Variants in AVEN observed in about 807,000 individuals in gnomAD.
AVEN encodes the protein cell death regulator Aven.
A neutral mutation model predicts 38.1 loss-of-function variants in AVEN; 41 were observed. The ratio of observed to expected loss-of-function variants is 1.08; its 90% confidence interval spans 0.84 to 1.40. The LOEUF is 1.40. AVEN is among the 40% of genes most tolerant of loss of function. AVEN has a pLI of 0.00. For synonymous variants in AVEN, 206 were observed against 171.8 expected (o/e 1.20, Z -1.56); for missense variants, 605 against 438.8 (o/e 1.38, Z -3.38).
At chr15:34,069,579 A>C (rs1900589412) in intron 2 of AVEN, among the ~76,000 whole-genome samples, 1 of 152,218 alleles carries the variant, frequency 6.6e-6, no homozygotes, top group African/African-American at 2.4e-5. Context: ...AATGCATCAC[A>C]TCAGGAGGCA....
At chr15:33,857,739 A>C (rs749939356), downstream of AVEN, 2 of 1,611,674 alleles carry the variant, frequency 1.2e-6, no homozygotes, top group African/African-American at 2.7e-5. Context: ...AAGGTAGAGA[A>C]GACCCCACTC....
intron 1 of AVEN, chr15:34,018,398 T>TCGAGTTTCTTCCTTCCGGTGGGTTCGTGG: frequency 6.6e-6 from 1 of 152,244 alleles, no homozygotes; most frequent in Non-Finnish European, 1.5e-5. Flanking sequence ...TTCAGATGTG[T>TCGAGTTTCTTCCTTCCGGTGGGTTCGTGG]CGAGTTTCTT....
At chr15:33,853,280 TAAAC>T in the AVEN span, among the ~76,000 whole-genome samples, 2 of 152,254 alleles carry the variant, frequency 1.3e-5, no homozygotes, top group East Asian at 3.8e-4. Flanking sequence ...TCATCTGCCT[TAAAC>T]AAGTTAACAC....
intron 2 of AVEN, among the ~76,000 whole-genome samples, chr15:33,984,766 G>A (rs1037339639): frequency 5.3e-5 from 8 of 152,084 alleles, no homozygotes; most frequent in Admixed American, 2.6e-4. Context: ...CCAGGACTTC[G>A]GTCTTTAAAA....
At chr15:33,905,434 G>A (rs144024041) in intron 2 of AVEN, among the ~76,000 whole-genome samples, 19 of 152,288 alleles carry the variant, frequency 1.2e-4, no homozygotes, top group South Asian at 6.2e-4. Flanking sequence ...ACATGTATTA[G>A]ATGCTCAATA....
In AVEN at chr15:33,870,997, CCAA is replaced by C; in HGVS notation, c.547_549del (p.Leu183del). The C allele has an allele frequency of 6.2e-7, 1 of 1,607,674 alleles. No homozygotes were observed. Among genetic ancestry groups the C allele is most frequent in the South Asian group, 1.1e-5 (1 of 90,052 alleles). ...AGAGGCAGCTCTTGAAGGGCTCGAA[CCAA>C]TAACTCACTATCCACATAAAATGCT... On this transcript the variant is annotated inframe_deletion, in exon 4 of 6. Coordinates refer to ENST00000306730, the MANE Select transcript of AVEN (RefSeq NM_020371.3).
chr15:33,989,713 C>T (rs1030220026), intron 2 of AVEN, among the ~76,000 whole-genome samples: 2 of 151,994 alleles, frequency 1.3e-5, no homozygotes, highest in Admixed American at 6.6e-5. Flanking sequence ...CTTTTATTAT[C>T]TTTCCAGATC....
chr15:34,066,364 G>T (rs945661245), intron 3 of AVEN: 1 of 152,216 alleles, frequency 6.6e-6, no homozygotes, highest in African/African-American at 2.4e-5. Context: ...GCCCATGTTG[G>T]GCATTCACCA....
At position 33,952,695 on chromosome 15, in the gene AVEN, G is replaced by C. The variant is rs187207915; in HGVS notation, c.445+50337C>G. Among the ~76,000 whole-genome samples the C allele has an allele frequency of 5.9e-5, 9 of 152,030 alleles. No homozygotes were observed. The East Asian group carries it at 1.7e-3, about 29-fold the overall frequency. On this transcript the variant is annotated intron_variant, in intron 2 of 5. Transcript: ENST00000306730. ...TTCTGAGATTGTTGAACTAGATGTGGAACTGAAACTATCCAACTGAGGAAA... is the reference window on the plus strand; with the variant it reads ...TTCTGAGATTGTTGAACTAGATGTGCAACTGAAACTATCCAACTGAGGAAA...
chr15:33,870,966 A>G lies in AVEN; in HGVS notation c.581T>C (p.Leu194Pro), dbSNP rs1890922476. The change falls in exon 4 of 6, where the codon CTC (leucine) becomes CCC (proline). Residue 194 changes from leucine (L) to proline (P), a missense_variant. By Grantham distance (98) the Leu-to-Pro change is moderately conservative (BLOSUM62 -3). Transcript: ENST00000306730. ...CAGTTCGGCAGCAACGTTGAGTCGGAGGCAGAGAGGCAGCTCTTGAAGGGC... is the reference window on the plus strand; with the variant it reads ...CAGTTCGGCAGCAACGTTGAGTCGGGGGCAGAGAGGCAGCTCTTGAAGGGC... ...VRALQELPLC[L>P]RLNVAAELVQ... 6.2e-7 allele frequency: 1 copy of G among 1,611,516 alleles called. No homozygotes were observed. Among genetic ancestry groups the G allele is most frequent in the East Asian group, 2.2e-5 (1 of 44,774 alleles).
chr15:33,878,163 CAA>C (rs927254111), intron 2 of AVEN, among the ~76,000 whole-genome samples: 1 of 151,988 alleles, frequency 6.6e-6, no homozygotes, highest in Admixed American at 6.6e-5. Context: ...TATTCAATCC[CAA>C]AAAGATTTTT....
chr15:34,008,130 T>C (rs868720211), intron 1 of AVEN, among the ~76,000 whole-genome samples: 2 of 151,866 alleles, frequency 1.3e-5, no homozygotes, highest in South Asian at 2.1e-4. Context: ...TAGTCGAAAA[T>C]AATGGGTGGG....
At chr15:34,033,689 T>A (rs1898970827) in intron 1 of AVEN, among the ~76,000 whole-genome samples, 1 of 152,172 alleles carries the variant, frequency 6.6e-6, no homozygotes, top group Non-Finnish European at 1.5e-5. Context: ...TGAAATATAT[T>A]CTGTTGAATA....
chr15:33,924,902 T>C (rs1893556609), intron 2 of AVEN, among the ~76,000 whole-genome samples: 1 of 152,320 alleles, frequency 6.6e-6, no homozygotes, highest in Admixed American at 6.5e-5. Context: ...TAATTCATTA[T>C]ATACATATAT....
chr15:34,062,541 C>T lies in AVEN; in HGVS notation n.1637+381G>A, dbSNP rs867131170. 40 of 544,670 alleles carry T rather than the reference C, an allele frequency of 7.3e-5. 1 individual carries two copies. Among genetic ancestry groups the T allele is most frequent in the Middle Eastern group, 4.9e-4 (1 of 2,058 alleles). 33.7% of individuals were successfully genotyped at this position (544,670 alleles called of 1,614,324 possible). On this transcript the variant is annotated intron_variant and non_coding_transcript_variant, in intron 5 of 11. Coordinates refer to the AVEN transcript ENST00000675287. ...CTGCACTCCAGCCTGGGTGACAAAGCGAGATTCTGTCTCAAAAAAAAAAAA... is the reference window on the plus strand; with the variant it reads ...CTGCACTCCAGCCTGGGTGACAAAGTGAGATTCTGTCTCAAAAAAAAAAAA...
upstream of AVEN, among the ~76,000 whole-genome samples, chr15:34,041,843 C>A (rs2140805968): frequency 6.6e-6 from 1 of 152,318 alleles, no homozygotes; most frequent in Admixed American, 6.5e-5. Flanking sequence ...AGTAACAGAA[C>A]TGGGATTTAT....
chr15:34,067,187 A>C (rs1156331072), intron 2 of AVEN: 1 of 152,212 alleles, frequency 6.6e-6, no homozygotes, highest in East Asian at 1.9e-4. Flanking sequence ...GAATTTGATG[A>C]CTTGTCAGGG....
intron 4 of AVEN, 61 bp from the exon 5 acceptor site, chr15:33,867,916 AATAC>A: frequency 6.6e-7 from 1 of 1,506,896 alleles, no homozygotes. Flanking sequence ...GGCTTAAGTA[AATAC>A]ATAGGAGGCT....
intron 2 of AVEN, among the ~76,000 whole-genome samples, chr15:33,976,357 C>T (rs1273196376): frequency 2.6e-5 from 4 of 152,150 alleles, no homozygotes; most frequent in Non-Finnish European, 5.9e-5. Context: ...TGAGTAATGT[C>T]GCTTTTTTCT....
Sources: gnomAD v4.1 joint callset for allele counts (sites outside exome capture counted in the v4.1 genomes callset) on GRCh38, gnomAD v4.1.1 for gene constraint, MANE v1.5 for transcripts, NCBI Gene and HGNC (gene_info 2026-07-23, HGNC 2026-07-21) for gene names.